Variants in JAZF1 observed in about 807,000 individuals in gnomAD.
JAZF1 encodes the protein juxtaposed with another zinc finger protein 1.
JAZF1 carries 8 observed loss-of-function variants against 26.4 expected under a neutral mutation model. That is an observed-to-expected ratio of 0.30 (90% CI 0.18 to 0.55). The LOEUF (loss-of-function observed/expected upper bound fraction) is 0.55, where lower values mean the gene tolerates loss of function less well. Among genes scored for constraint, JAZF1 ranks in the 20% least tolerant of loss-of-function variants. The pLI, the probability that JAZF1 is intolerant of heterozygous loss-of-function variation, is 0.94. For missense variants in JAZF1, 199 were observed against 322.0 expected, an observed-to-expected ratio of 0.62 and a Z score of 2.92; for synonymous variants, 126 against 122.3, an observed-to-expected ratio of 1.03 and a Z score of -0.20.
Position 27,832,698 on chromosome 7 carries a change from T to A in JAZF1, c.*102A>T. 1.0e-6 allele frequency: 1 copy of A among 972,820 alleles called. No individual in the cohort carries two copies. Among genetic ancestry groups the A allele is most frequent in the Non-Finnish European group, 1.5e-6 (1 of 675,172 alleles). The allele number at this position is 972,820 out of a possible 1,614,324, so 60.3% of individuals were successfully genotyped here. A position where few individuals can be genotyped will look rare whatever the true frequency, so the allele number is the denominator to read the frequency against. Reference sequence around the variant, plus strand: ...AATTTAAAGCATGCATTTAATTCTTTTTCTTTAAAGGGTTGCTGAATGCTT... The same window carrying A: ...AATTTAAAGCATGCATTTAATTCTTATTCTTTAAAGGGTTGCTGAATGCTT... On this transcript the variant is annotated 3_prime_UTR_variant, in exon 5 of 5. Transcript: ENST00000283928.
chr7:27,846,081 C>T (rs562163882), intron 3 of JAZF1, among the ~76,000 whole-genome samples: 4 of 152,212 alleles, frequency 2.6e-5, no homozygotes, highest in South Asian at 4.2e-4. Flanking sequence ...GTTCATCCTA[C>T]GTACCTACTA....
chr7:27,974,086 T>C (rs929500395), intron 2 of JAZF1, among the ~76,000 whole-genome samples: 7 of 151,902 alleles, frequency 4.6e-5, no homozygotes, highest in African/African-American at 1.5e-4. Flanking sequence ...CCATTAAACA[T>C]AGTATGAATC....
intron 1 of JAZF1, among the ~76,000 whole-genome samples, chr7:28,100,669 C>T (rs1219107868): frequency 5.3e-5 from 8 of 152,166 alleles, no homozygotes; most frequent in Non-Finnish European, 1.5e-5. Flanking sequence ...ATTCTGATCA[C>T]TCTAGACTCA....
chr7:27,870,071 GTTAATTT>G (rs1783553233), intron 3 of JAZF1, among the ~76,000 whole-genome samples: 1 of 135,496 alleles, frequency 7.4e-6, no homozygotes, highest in Non-Finnish European at 1.6e-5. Flanking sequence ...GCCACACCCG[GTTAATTT>G]TTTTTTTTTT....
At chr7:27,898,726 G>C (rs1324647731) in intron 2 of JAZF1, among the ~76,000 whole-genome samples, 5 of 152,070 alleles carry the variant, frequency 3.3e-5, no homozygotes, top group Non-Finnish European at 5.9e-5. Context: ...ATCTGGATTG[G>C]GGTTATATCT....
chr7:28,050,354 C>A (rs942425415), intron 1 of JAZF1, among the ~76,000 whole-genome samples: 1 of 152,146 alleles, frequency 6.6e-6, no homozygotes, highest in Non-Finnish European at 1.5e-5. Context: ...TGGGAAGCGA[C>A]TGCTGATGGG....
intron 3 of JAZF1, among the ~76,000 whole-genome samples, chr7:27,874,701 A>G (rs1245787435): frequency 4.5e-5 from 4 of 88,654 alleles, no homozygotes; most frequent in Non-Finnish European, 9.1e-5. Context: ...CAGGCCAACC[A>G]CTGAACCTTT....
intron 2 of JAZF1, among the ~76,000 whole-genome samples, chr7:27,962,456 C>A (rs1243355406): frequency 2.6e-5 from 4 of 152,174 alleles, no homozygotes; most frequent in African/African-American, 9.7e-5. Context: ...CTTCCCCAAT[C>A]CACAGAGAGT....
intron 1 of JAZF1, among the ~76,000 whole-genome samples, chr7:28,099,237 C>T (rs1025141788): frequency 2.6e-5 from 4 of 152,132 alleles, no homozygotes; most frequent in African/African-American, 9.7e-5. Context: ...CATCTCCATC[C>T]CCAAATTCCA....
chr7:27,978,564 G>T (rs918647869), intron 2 of JAZF1, among the ~76,000 whole-genome samples: 20 of 152,238 alleles, frequency 1.3e-4, no homozygotes, highest in African/African-American at 4.6e-4. Context: ...CTGAATAAAA[G>T]GCTTCAGGGT....
At chr7:28,126,725 A>T (rs1782697646) in intron 1 of JAZF1, among the ~76,000 whole-genome samples, 2 of 152,208 alleles carry the variant, frequency 1.3e-5, no homozygotes, top group African/African-American at 4.8e-5. Flanking sequence ...GTGTCTCTAG[A>T]GCCACCTCAG....
At chr7:27,961,580 T>C (rs1420767747) in intron 2 of JAZF1, among the ~76,000 whole-genome samples, 5 of 152,132 alleles carry the variant, frequency 3.3e-5, no homozygotes, top group African/African-American at 9.7e-5. Context: ...CAGGAAAATA[T>C]TCTCCCCAAA....
chr7:27,845,854 C>T (rs180934665), intron 3 of JAZF1, among the ~76,000 whole-genome samples: 3 of 152,186 alleles, frequency 2.0e-5, no homozygotes, highest in South Asian at 2.1e-4. Flanking sequence ...AAGATCACAC[C>T]GTGGCCTGCA....
intron 1 of JAZF1, among the ~76,000 whole-genome samples, chr7:28,030,461 C>A (rs1369638849): frequency 6.6e-6 from 1 of 152,178 alleles, no homozygotes; most frequent in Non-Finnish European, 1.5e-5. Flanking sequence ...AGAAAAGCAA[C>A]GATGCCTTGA....
chr7:28,074,068 T>C (rs1362731614), intron 1 of JAZF1, among the ~76,000 whole-genome samples: 1 of 152,178 alleles, frequency 6.6e-6, no homozygotes, highest in Admixed American at 6.5e-5. Context: ...CTAACAGTAC[T>C]GTACAGGGTC....
chr7:27,960,736 T>C (rs1044309157), intron 2 of JAZF1, among the ~76,000 whole-genome samples: 1 of 152,094 alleles, frequency 6.6e-6, no homozygotes, highest in African/African-American at 2.4e-5. Flanking sequence ...AAGCCTGGTT[T>C]CCCAAGCCAC....
chr7:27,898,304 T>TATATATATATATATATATATATATATAC lies in JAZF1; in HGVS notation c.189-2889_189-2888insGTATATATATATATATATATATATATAT, dbSNP rs375859244. ...TCTAACTCATATATATATATATATA[T>TATATATATATATATATATATATATATAC]ACATCGGTTTTTTTTTTTTTTTTTT... On this transcript the variant is annotated intron_variant, in intron 2 of 4. Coordinates refer to ENST00000283928, the MANE Select transcript of JAZF1 (RefSeq NM_175061.4). Among the ~76,000 whole-genome samples, 195 of 128,788 alleles carry TATATATATATATATATATATATATATAC rather than the reference T, an allele frequency of 1.5e-3. 4 individuals are homozygous for TATATATATATATATATATATATATATAC. The highest frequency in any genetic ancestry group is 4.0e-3 in the East Asian group (17 of 4,252). The allele number at this position is 128,788 out of a possible 152,430, so 84.5% of individuals were successfully genotyped here.
intron 3 of JAZF1, among the ~76,000 whole-genome samples, chr7:27,859,212 A>C (rs1426756270): frequency 6.6e-6 from 1 of 152,242 alleles, no homozygotes; most frequent in Non-Finnish European, 1.5e-5. Flanking sequence ...ATCATTAAAA[A>C]GTCAGGAAAC....
chr7:27,870,131 T>A (rs940610635), intron 3 of JAZF1, among the ~76,000 whole-genome samples: 1 of 149,982 alleles, frequency 6.7e-6, no homozygotes, highest in Non-Finnish European at 1.5e-5. Flanking sequence ...TTCACCATGT[T>A]GGTCAGGCTG....
Sources: gnomAD v4.1 joint callset for allele counts (sites outside exome capture counted in the v4.1 genomes callset) on GRCh38, gnomAD v4.1.1 for gene constraint, MANE v1.5 for transcripts, NCBI Gene and HGNC (gene_info 2026-07-23, HGNC 2026-07-21) for gene names.